SSBP4: variants seen among roughly 807,000 people sequenced by gnomAD.
The protein encoded by SSBP4 is single stranded DNA binding protein 4.
A neutral mutation model predicts 64.6 loss-of-function variants in SSBP4; 33 were observed. That is an observed-to-expected ratio of 0.51 (90% CI 0.39 to 0.68). The LOEUF is 0.68. SSBP4 is among the 30% of genes least tolerant of loss of function. SSBP4 has a pLI of 0.00. For synonymous variants in SSBP4, 243 were observed against 224.0 expected, an observed-to-expected ratio of 1.08 and a Z score of -0.76; for missense variants, 583 against 566.8, an observed-to-expected ratio of 1.03 and a Z score of -0.29.
chr19:18,419,557 G>C lies in SSBP4; in HGVS notation c.-92G>C. On this transcript the variant is annotated 5_prime_UTR_variant, in exon 1 of 18. Coordinates refer to ENST00000270061, the MANE Select transcript of SSBP4 (RefSeq NM_032627.5). ...CCCGCCTGGGGCTCGGGGCGGTGAG[G>C]CCCGGGGCGCGGGGTAGCTATGGCG... 1 of 1,179,842 alleles carries C rather than the reference G, an allele frequency of 8.5e-7. No homozygotes were observed. The highest frequency in any genetic ancestry group is 4.2e-5 in the East Asian group (1 of 24,006). The allele number at this position is 1,179,842 out of a possible 1,614,324, so 73.1% of individuals were successfully genotyped here.
upstream of SSBP4, chr19:18,419,269 G>T: frequency 1.0e-6 from 1 of 994,628 alleles, no homozygotes; most frequent in Non-Finnish European, 1.2e-6. Flanking sequence ...CCCGCGGCGG[G>T]CACTGCGCGT....
At chr19:18,430,381 C>T (rs994151377) in intron 4 of SSBP4, among the ~76,000 whole-genome samples, 1 of 152,284 alleles carries the variant, frequency 6.6e-6, no homozygotes, top group Non-Finnish European at 1.5e-5. Flanking sequence ...CTGAGAGAGG[C>T]TGGGGGATGG....
chr19:18,424,840 G>A (rs1167464918), intron 1 of SSBP4, among the ~76,000 whole-genome samples: 1 of 148,600 alleles, frequency 6.7e-6, no homozygotes, highest in South Asian at 2.3e-4. Flanking sequence ...ATGTGTAAAG[G>A]CCAAGCTGAC....
chr19:18,431,993 AC>A lies in SSBP4; in HGVS notation c.566-3del. ...GTCCAAGTCCCCTTCCTTCTGCCCC[AC>A]CCCAGGGCATCCGAGCATGGGCGGC... On this transcript the variant is annotated splice_region_variant and splice_polypyrimidine_tract_variant and intron_variant, in intron 8 of 17. Coordinates refer to ENST00000270061, the MANE Select transcript of SSBP4 (RefSeq NM_032627.5). The A allele has an allele frequency of 6.4e-7, 1 of 1,552,962 alleles. No individual in the cohort carries two copies. The highest frequency in any genetic ancestry group is 8.7e-7 in the Non-Finnish European group (1 of 1,144,598).
At chr19:18,428,078 A>C in intron 4 of SSBP4, 96 bp downstream of exon 4, 1 of 834,830 alleles carries the variant, frequency 1.2e-6, no homozygotes, top group Non-Finnish European at 1.8e-6. Flanking sequence ...CAGCCAGAGG[A>C]GGGCTGGGGA....
chr19:18,409,672 C>T, the SSBP4 span, among the ~76,000 whole-genome samples: 1 of 151,314 alleles, frequency 6.6e-6, no homozygotes, highest in Non-Finnish European at 1.5e-5. Flanking sequence ...CATGGCTCCA[C>T]CACATCCAGC....
rs201755013 is a variant in SSBP4, at chr19:18,427,818, G to C, written c.194+5G>C. On this transcript the variant is annotated splice_donor_5th_base_variant and intron_variant, in intron 3 of 17. Coordinates refer to ENST00000270061, the MANE Select transcript of SSBP4 (RefSeq NM_032627.5). This position sits in a 1 kb window ranked among gnomAD's most constrained non-coding sequence, Gnocchi z 4.4. ...GTTCCTGCACTCCTGGTGGTGGTAC[G>C]GGCTGGGCTGCTGTGGGTGGGCTGT... The C allele has an allele frequency of 1.2e-6, 2 of 1,611,994 alleles. No individual in the cohort carries two copies. The highest frequency in any genetic ancestry group is 1.1e-5 in the South Asian group (1 of 91,026).
In SSBP4 at chr19:18,434,058, C is replaced by T. The variant is rs538310376; in HGVS notation, c.1129-159C>T. ...CCCCGGGACCCGCGCCCCAGGGCGG[C>T]CTTCCCATGCATCGCCCCTCCCCCG... is the stretch of plus-strand genomic sequence containing the variant. On this transcript the variant is annotated intron_variant, in intron 17 of 17. Coordinates refer to ENST00000270061, the MANE Select transcript of SSBP4 (RefSeq NM_032627.5). 3 of 1,280,108 alleles carry T rather than the reference C, an allele frequency of 2.3e-6. No individual in the cohort carries two copies. In the East Asian group the frequency reaches 9.6e-5, roughly 41 times the overall value. The allele number at this position is 1,280,108 out of a possible 1,614,324, so 79.3% of individuals were successfully genotyped here. A position where few individuals can be genotyped will look rare whatever the true frequency, so the allele number is the denominator to read the frequency against.
intron 4 of SSBP4, among the ~76,000 whole-genome samples, chr19:18,429,415 C>T (rs1048854624): frequency 4.0e-5 from 6 of 151,124 alleles, no homozygotes; most frequent in South Asian, 2.1e-4. Context: ...GAGGGCGCGC[C>T]GCCCGGGATT....
At chr19:18,430,788 G>T in intron 4 of SSBP4, 53 bp from the exon 5 acceptor site, 2 of 1,518,954 alleles carry the variant, frequency 1.3e-6, no homozygotes, top group Non-Finnish European at 1.8e-6. Flanking sequence ...ACCCCAGGTA[G>T]GAAGTGTCCA....
At chr19:18,407,917 A>G in the SSBP4 span, among the ~76,000 whole-genome samples, 2 of 150,872 alleles carry the variant, frequency 1.3e-5, no homozygotes, top group East Asian at 2.0e-4. Flanking sequence ...TAATTTTTCT[A>G]TTTTTCTGGT....
At chr19:18,429,257 T>A (rs1472578826) in intron 4 of SSBP4, among the ~76,000 whole-genome samples, 2 of 147,854 alleles carry the variant, frequency 1.4e-5, no homozygotes, top group East Asian at 4.1e-4. Context: ...CGGGGGGGGC[T>A]CTGTTCGCCC....
At chr19:18,434,105 T>C (rs1003959546) in intron 17 of SSBP4, 112 bp from the exon 18 acceptor site, 4 of 1,268,562 alleles carry the variant, frequency 3.2e-6, no homozygotes, top group Non-Finnish European at 4.1e-6. Flanking sequence ...CCCCACCCCA[T>C]GTCTGCCCAG....
At chr19:18,409,808 C>G in the SSBP4 span, among the ~76,000 whole-genome samples, 1 of 151,914 alleles carries the variant, frequency 6.6e-6, no homozygotes, top group African/African-American at 2.4e-5. Flanking sequence ...CATGAGCCAC[C>G]GTGCCTGGCC....
At chr19:18,421,959 G>C (rs1381350964) in intron 1 of SSBP4, among the ~76,000 whole-genome samples, 2 of 152,116 alleles carry the variant, frequency 1.3e-5, no homozygotes, top group Non-Finnish European at 2.9e-5. Context: ...TCAGGAGTTC[G>C]AGACCAGCCT....
chr19:18,404,349 T>G, the SSBP4 span, among the ~76,000 whole-genome samples: 1 of 151,986 alleles, frequency 6.6e-6, no homozygotes, highest in East Asian at 1.9e-4. Context: ...ATCCTAGCAC[T>G]TTAGGAGGCT....
chr19:18,410,645 G>A, the SSBP4 span, among the ~76,000 whole-genome samples: 20 of 152,074 alleles, frequency 1.3e-4, no homozygotes, highest in South Asian at 4.2e-3. Flanking sequence ...GCCGACCTGA[G>A]AGCAAGGGCA....
At chr19:18,432,461 G>A (rs924198747) in intron 10 of SSBP4, 98 bp from the exon 11 acceptor site, 2 of 1,487,862 alleles carry the variant, frequency 1.3e-6, no homozygotes, top group African/African-American at 2.8e-5. Flanking sequence ...TCTGTGGTCG[G>A]TCTGGGGATA....
At chr19:18,430,714 T>C (rs1973289859) in intron 4 of SSBP4, 127 bp from the exon 5 acceptor site, 2 of 736,128 alleles carry the variant, frequency 2.7e-6, no homozygotes, top group Admixed American at 6.3e-5. Context: ...AACCCCAGTG[T>C]GCTCACTGAC....
Sources: allele counts gnomAD v4.1 joint callset (sites outside exome capture counted in the v4.1 genomes callset), GRCh38; gene constraint gnomAD v4.1.1; non-coding constraint Gnocchi (gnomAD v3.1); transcripts MANE v1.5; gene names NCBI Gene and HGNC (gene_info 2026-07-23, HGNC 2026-07-21).